Variants in MB21D2 observed in about 807,000 individuals in gnomAD.
MB21D2 encodes the protein nucleotidyltransferase MB21D2.
Under a neutral mutation model 33.3 loss-of-function variants are expected in MB21D2, and 9 were observed. The observed-to-expected ratio is 0.27, with a 90% CI of 0.16 to 0.47. The LOEUF (loss-of-function observed/expected upper bound fraction) is 0.47. Among genes scored for constraint, MB21D2 ranks in the 20% least tolerant of loss-of-function variants. The pLI, the probability that MB21D2 is intolerant of heterozygous loss-of-function variation, is 0.99. For synonymous variants in MB21D2, 241 were observed against 236.3 expected, an observed-to-expected ratio of 1.02 and a Z score of -0.18; for missense variants, 540 against 624.6, an observed-to-expected ratio of 0.86 and a Z score of 1.44.
At chr3:192,911,025 T>G (rs1714341235) in intron 1 of MB21D2, among the ~76,000 whole-genome samples, 1 of 152,250 alleles carries the variant, frequency 6.6e-6, no homozygotes, top group African/African-American at 2.4e-5. Flanking sequence ...AGGCTTAAAG[T>G]CTGAGTGACT....
At chr3:192,916,427 G>A (rs1231443402) in intron 1 of MB21D2, among the ~76,000 whole-genome samples, 1 of 152,136 alleles carries the variant, frequency 6.6e-6, no homozygotes, top group Non-Finnish European at 1.5e-5. Context: ...AAAGAGAAAA[G>A]CCCTGTCTTA....
intron 1 of MB21D2, among the ~76,000 whole-genome samples, chr3:192,868,801 T>C (rs1386632201): frequency 6.6e-6 from 1 of 152,260 alleles, no homozygotes; most frequent in East Asian, 1.9e-4. Context: ...CTGCCACATA[T>C]AATCATGAAA....
intron 1 of MB21D2, among the ~76,000 whole-genome samples, chr3:192,884,512 G>A (rs566498993): frequency 4.7e-4 from 68 of 144,638 alleles, no homozygotes; most frequent in African/African-American, 1.4e-3. Flanking sequence ...GACTACAGGC[G>A]CCCGCCACCA....
chr3:192,890,654 G>A (rs1713833212), intron 1 of MB21D2, among the ~76,000 whole-genome samples: 1 of 151,504 alleles, frequency 6.6e-6, no homozygotes, highest in Non-Finnish European at 1.5e-5. Flanking sequence ...GACTGTGCAG[G>A]TACAAACTCA....
At chr3:192,890,376 A>C (rs1473268176) in intron 1 of MB21D2, among the ~76,000 whole-genome samples, 1 of 152,026 alleles carries the variant, frequency 6.6e-6, no homozygotes, top group Non-Finnish European at 1.5e-5. Flanking sequence ...GGAAATCATA[A>C]TTTGAGCATA....
intron 1 of MB21D2, among the ~76,000 whole-genome samples, chr3:192,873,901 C>T (rs552820026): frequency 4.2e-4 from 64 of 152,244 alleles, no homozygotes; most frequent in Non-Finnish European, 1.2e-4. Flanking sequence ...AGGGTTTCAC[C>T]ATTCACCAGG....
intron 1 of MB21D2, among the ~76,000 whole-genome samples, chr3:192,859,038 G>A (rs902559322): frequency 6.6e-6 from 1 of 152,070 alleles, no homozygotes; most frequent in Non-Finnish European, 1.5e-5. Flanking sequence ...TTTGGAAGGG[G>A]TTCATGTGTG....
intron 1 of MB21D2, among the ~76,000 whole-genome samples, chr3:192,820,308 T>C (rs2108615958): frequency 6.6e-6 from 1 of 152,226 alleles, no homozygotes; most frequent in East Asian, 1.9e-4. Context: ...TGAACGCTGA[T>C]CTAACTTAAG....
chr3:192,859,191 G>A (rs1712982137), intron 1 of MB21D2, among the ~76,000 whole-genome samples: 1 of 152,108 alleles, frequency 6.6e-6, no homozygotes, highest in Non-Finnish European at 1.5e-5. Flanking sequence ...TCACCTCAAT[G>A]AGAAGAGCAG....
chr3:192,845,566 A>AT, intron 1 of MB21D2, among the ~76,000 whole-genome samples: 1 of 152,370 alleles, frequency 6.6e-6, no homozygotes, highest in South Asian at 2.1e-4. Context: ...TCCTTAGCCC[A>AT]TAATTCTCGC....
intron 1 of MB21D2, among the ~76,000 whole-genome samples, chr3:192,868,191 T>C (rs572668010): frequency 4.8e-4 from 73 of 152,346 alleles, no homozygotes; most frequent in African/African-American, 1.7e-3. Flanking sequence ...TCTTCATGTG[T>C]GCCAGTGGTC....
At chr3:192,904,061 C>T (rs369657181) in intron 1 of MB21D2, among the ~76,000 whole-genome samples, 65 of 152,306 alleles carry the variant, frequency 4.3e-4, no homozygotes, top group African/African-American at 1.4e-3. Flanking sequence ...CAAGTACCTT[C>T]CTCATAGTGT....
At chr3:192,878,198 C>T (rs1713483042) in intron 1 of MB21D2, among the ~76,000 whole-genome samples, 1 of 148,896 alleles carries the variant, frequency 6.7e-6, no homozygotes. Context: ...CTCGCGGGTT[C>T]ACGCCCTCCT....
chr3:192,910,666 T>C (rs1341103866), intron 1 of MB21D2, among the ~76,000 whole-genome samples: 2 of 152,212 alleles, frequency 1.3e-5, no homozygotes, highest in East Asian at 3.8e-4. Flanking sequence ...ATGGATCCCA[T>C]ACCATCCCTG....
intron 1 of MB21D2, among the ~76,000 whole-genome samples, chr3:192,901,254 A>G (rs1714093739): frequency 1.3e-5 from 2 of 152,034 alleles, no homozygotes; most frequent in Admixed American, 6.6e-5. Flanking sequence ...CCATAGAGAA[A>G]TGAATGTTTC....
At chr3:192,803,965 G>A (rs1272336415) in intron 1 of MB21D2, among the ~76,000 whole-genome samples, 2 of 152,160 alleles carry the variant, frequency 1.3e-5, no homozygotes, top group African/African-American at 4.8e-5. Context: ...TTTTCATGGA[G>A]GCACTGGCAT....
chr3:192,834,437 A>AG (rs1452339327), intron 1 of MB21D2, among the ~76,000 whole-genome samples: 1 of 149,824 alleles, frequency 6.7e-6, no homozygotes. Context: ...AAAAAAAAAA[A>AG]AAGAAGAAGA....
intron 1 of MB21D2, among the ~76,000 whole-genome samples, chr3:192,856,368 A>G (rs113998488): frequency 2.2e-3 from 328 of 152,272 alleles, no homozygotes; most frequent in African/African-American, 7.8e-3. Context: ...CAGTTTTCCC[A>G]TGAGTTAAAT....
At chr3:192,917,112 T>G (rs1253881216) in intron 1 of MB21D2, among the ~76,000 whole-genome samples, 1 of 152,216 alleles carries the variant, frequency 6.6e-6, no homozygotes, top group Non-Finnish European at 1.5e-5. Context: ...GGGCTCGGCA[T>G]GACAGCGCCG....
Sources: gnomAD v4.1 joint callset for allele counts (sites outside exome capture counted in the v4.1 genomes callset) on GRCh38, gnomAD v4.1.1 for gene constraint, MANE v1.5 for transcripts, NCBI Gene and HGNC (gene_info 2026-07-23, HGNC 2026-07-21) for gene names.